CENPE: variants seen among roughly 807,000 people sequenced by gnomAD.
The protein encoded by CENPE is centromere-associated protein E.
Under a neutral mutation model 336.1 loss-of-function variants are expected in CENPE, and 145 were observed. The ratio of observed to expected loss-of-function variants is 0.43; its 90% CI spans 0.38 to 0.50. The LOEUF is 0.50. Among genes scored for constraint, CENPE ranks in the 20% least tolerant of loss-of-function variants. The pLI is 0.00. For synonymous variants in CENPE, 1,013 were observed against 984.8 expected (o/e 1.03, Z -0.54); for missense variants, 2,719 against 3,023.3 (o/e 0.90, Z 2.36).
chr4:103,176,160 AACT>A, intron 14 of CENPE, 112 bp from the exon 15 acceptor site: 2 of 593,090 alleles, frequency 3.4e-6, no homozygotes, highest in African/African-American at 1.9e-5. Flanking sequence ...ACTTCAAATT[AACT>A]ACTATGTGCT....
chr4:103,107,053 T>C (rs1018834347), intron 48 of CENPE, among the ~76,000 whole-genome samples: 66 of 152,334 alleles, frequency 4.3e-4, no homozygotes, highest in African/African-American at 1.5e-3. Flanking sequence ...ATTCACATTA[T>C]GCATATGCCT....
intron 42 of CENPE, among the ~76,000 whole-genome samples, chr4:103,126,175 T>C (rs1751081655): frequency 6.6e-6 from 1 of 152,168 alleles, no homozygotes; most frequent in Non-Finnish European, 1.5e-5. Flanking sequence ...TTTTGTATTT[T>C]ACCTTCAGGA....
Position 103,144,427 on chromosome 4 carries a change from A to T in CENPE, c.5049T>A (p.Ser1683=), listed in dbSNP as rs1056365350. ...TAAGGTCATCTCTTTCTTTTGTTAC[A>T]GATCTCATTTCTTCAAGGTTTTCAT... is the stretch of plus-strand genomic sequence containing the variant. ...ILHENLEEMR[S]VTKERDDLRS... The change falls in exon 33 of 49, where the codon TCT becomes TCA. Residue 1683 remains serine, a synonymous_variant. Transcript: ENST00000265148. 1.2e-6 allele frequency: 2 copies of T among 1,613,768 alleles called. No homozygotes were observed. The highest frequency in any genetic ancestry group is 4.5e-5 in the East Asian group (2 of 44,878).
At chr4:103,148,286 C>T (rs1467212592) in intron 28 of CENPE, among the ~76,000 whole-genome samples, 2 of 152,164 alleles carry the variant, frequency 1.3e-5, no homozygotes, top group Non-Finnish European at 2.9e-5. Flanking sequence ...CAAACTATAT[C>T]CCAATAAATG....
In CENPE at chr4:103,185,362, G is replaced by C. The variant is rs1465076162; in HGVS notation, c.745+448C>G. ...TCAGTCTTGTACAAATCTTTGTTGA[G>C]TTTCTTCCTAGATATCACATCTTTT... On this transcript the variant is annotated intron_variant, in intron 9 of 48. Transcript: ENST00000265148. Among the ~76,000 whole-genome samples, 6 of 150,566 alleles carry C rather than the reference G, an allele frequency of 4.0e-5. No homozygotes were observed. The East Asian group carries it at 1.2e-3, about 29-fold the overall frequency.
chr4:103,133,025 T>C (rs1361314779), intron 41 of CENPE, 129 bp from the exon 42 acceptor site: 2 of 171,862 alleles, frequency 1.2e-5, no homozygotes, highest in Non-Finnish European at 2.3e-5. Context: ...CTTGCTTTTC[T>C]TCCTTTTAAT....
chr4:103,183,459 TG>T (rs1756490319), intron 9 of CENPE, among the ~76,000 whole-genome samples, 171 bp from the exon 10 acceptor site: 1 of 152,046 alleles, frequency 6.6e-6, no homozygotes, highest in Non-Finnish European at 1.5e-5. Context: ...CTCTCCCTAT[TG>T]GTCCCACTTC....
In CENPE at chr4:103,151,277, CCTT is replaced by C. The variant is rs1182214220; in HGVS notation, c.3335_3337del (p.Glu1112del). On this transcript the variant is annotated inframe_deletion, in exon 26 of 49. Coordinates refer to ENST00000265148, the MANE Select transcript of CENPE (RefSeq NM_001813.3). ...TCTGTCACAGGTCCTAGAAAGCTCTCCTTCTTTCTTTATGGCATGGTTCTTTTC... is the reference window on the plus strand; with the variant it reads ...TCTGTCACAGGTCCTAGAAAGCTCTCCTTTCTTTATGGCATGGTTCTTTTC... 3.1e-6 allele frequency: 5 copies of C among 1,606,236 alleles called. No individual in the cohort carries two copies. In the Admixed American group the frequency reaches 5.2e-5, roughly 17 times the overall value.
chr4:103,186,266 T>C (rs1275184415), intron 8 of CENPE, among the ~76,000 whole-genome samples: 2 of 152,352 alleles, frequency 1.3e-5, no homozygotes, highest in East Asian at 1.9e-4. Context: ...ATTTCCTTTA[T>C]TCAGTTAGTT....
intron 29 of CENPE, among the ~76,000 whole-genome samples, chr4:103,147,072 A>C (rs1424251357): frequency 6.6e-5 from 10 of 152,170 alleles, no homozygotes; most frequent in Non-Finnish European, 2.9e-5. Context: ...ACAATCTCAT[A>C]TTTGGTTTCA....
intron 8 of CENPE, among the ~76,000 whole-genome samples, chr4:103,191,886 T>C (rs1265051914): frequency 6.6e-6 from 1 of 151,546 alleles, no homozygotes; most frequent in Non-Finnish European, 1.5e-5. Flanking sequence ...ATGGATCCAC[T>C]ATGACTACTG....
At chr4:103,180,200 CTTGAA>C in intron 13 of CENPE, 106 bp downstream of exon 13, 1 of 956,804 alleles carries the variant, frequency 1.0e-6, no homozygotes. Flanking sequence ...TTCTGGGTTT[CTTGAA>C]TATACTGTAT....
chr4:103,183,075 C>T, intron 10 of CENPE, 126 bp downstream of exon 10: 1 of 880,510 alleles, frequency 1.1e-6, no homozygotes, highest in Non-Finnish European at 1.7e-6. Context: ...AGATTATAAT[C>T]ATATGTATAA....
At chr4:103,148,672 G>C (rs1753269818) in intron 28 of CENPE, among the ~76,000 whole-genome samples, 172 bp downstream of exon 28, 1 of 152,144 alleles carries the variant, frequency 6.6e-6, no homozygotes, top group African/African-American at 2.4e-5. Flanking sequence ...TGTCCACCTT[G>C]TTCTCATTGC....
intron 40 of CENPE, among the ~76,000 whole-genome samples, chr4:103,135,603 T>C (rs1185477038): frequency 6.6e-6 from 1 of 152,232 alleles, no homozygotes; most frequent in Non-Finnish European, 1.5e-5. Context: ...ATATCTCATC[T>C]GGACCACTGT....
At chr4:103,155,045 T>C (rs1236503996) in intron 24 of CENPE, among the ~76,000 whole-genome samples, 1 of 152,098 alleles carries the variant, frequency 6.6e-6, no homozygotes, top group Non-Finnish European at 1.5e-5. Context: ...CAGCCTTCCA[T>C]CCCAGACTTT....
chr4:103,117,720 C>T (rs1343315528), intron 44 of CENPE, among the ~76,000 whole-genome samples: 4 of 150,930 alleles, frequency 2.7e-5, no homozygotes, highest in Non-Finnish European at 5.9e-5. Context: ...CTTCGCCTCC[C>T]GGGTTCAAGC....
intron 8 of CENPE, among the ~76,000 whole-genome samples, chr4:103,188,166 A>G (rs1756969106): frequency 6.6e-6 from 1 of 152,224 alleles, no homozygotes; most frequent in Non-Finnish European, 1.5e-5. Context: ...AGACCTACAA[A>G]GAGACTTAGA....
chr4:103,156,089 AAAG>A (rs780591328), intron 24 of CENPE, among the ~76,000 whole-genome samples: 1 of 152,228 alleles, frequency 6.6e-6, no homozygotes, highest in African/African-American at 2.4e-5. Context: ...AGAAGAAATT[AAAG>A]AAGACACAAA....
Sources: gnomAD v4.1 joint callset for allele counts (sites outside exome capture counted in the v4.1 genomes callset) on GRCh38, gnomAD v4.1.1 for gene constraint, MANE v1.5 for transcripts, NCBI Gene and HGNC (gene_info 2026-07-23, HGNC 2026-07-21) for gene names.